The following DNAH8 variants were observed in gnomAD, a reference collection of about 807,000 sequenced individuals.
The protein encoded by DNAH8 is dynein axonemal heavy chain 8.
Under a neutral mutation model 562.1 loss-of-function variants are expected in DNAH8, and 382 were observed. The observed-to-expected ratio is 0.68, with a 90% confidence interval of 0.63 to 0.74. The LOEUF (loss-of-function observed/expected upper bound fraction) is 0.74. DNAH8 is among the 30% of genes least tolerant of loss of function. DNAH8 has a pLI of 0.00. For missense variants in DNAH8, 5,203 were observed against 5,620.4 expected, an observed-to-expected ratio of 0.93 and a Z score of 2.37; for synonymous variants, 1,881 against 1,919.4, an observed-to-expected ratio of 0.98 and a Z score of 0.52.
intron 85 of DNAH8, among the ~76,000 whole-genome samples, chr6:38,980,800 G>A (rs1371913980): frequency 6.6e-6 from 1 of 152,100 alleles, no homozygotes; most frequent in African/African-American, 2.4e-5. Flanking sequence ...CCCAGGGTCA[G>A]AACATCTAGA....
At chr6:38,942,924 A>C (rs934129753) in intron 79 of DNAH8, among the ~76,000 whole-genome samples, 18 of 152,222 alleles carry the variant, frequency 1.2e-4, no homozygotes, top group African/African-American at 3.9e-4. Flanking sequence ...GGAGACTGAG[A>C]AACACGGCAA....
At chr6:38,833,925 A>T (rs1774067640) in intron 31 of DNAH8, among the ~76,000 whole-genome samples, 1 of 152,138 alleles carries the variant, frequency 6.6e-6, no homozygotes, top group Admixed American at 6.5e-5. Context: ...TCATTTTTCC[A>T]TTGGGAGTAG....
intron 58 of DNAH8, among the ~76,000 whole-genome samples, chr6:38,892,306 G>A (rs561288723): frequency 2.0e-5 from 3 of 152,228 alleles, no homozygotes; most frequent in Admixed American, 2.0e-4. Context: ...GCTCCAGGCC[G>A]ATTGCTAACT....
At chr6:38,945,338 ATAT>A (rs747948625) in intron 79 of DNAH8, 126 bp from the exon 80 acceptor site, 6 of 985,166 alleles carry the variant, frequency 6.1e-6, no homozygotes, top group Non-Finnish European at 9.0e-6. Flanking sequence ...ATTTTCTGTA[ATAT>A]TATTATTTTC....
In DNAH8 at chr6:38,989,996, T is replaced by A. The variant is rs1202960156; in HGVS notation, c.13054-16T>A. The A allele has an allele frequency of 2.7e-6, 4 of 1,502,754 alleles. No individual in the cohort carries two copies. The highest frequency in any genetic ancestry group is 2.7e-6 in the Non-Finnish European group (3 of 1,105,056). The allele number at this position is 1,502,754 out of a possible 1,614,324, so 93.1% of individuals were successfully genotyped here. ...TGCTCATCAATTTTATTTCTTTTGT[T>A]TTCTCTCACATACAGGTCTGGTTCA... On this transcript the variant is annotated splice_polypyrimidine_tract_variant and intron_variant, in intron 87 of 92. Coordinates refer to ENST00000327475, the MANE Select transcript of DNAH8 (RefSeq NM_001206927.2).
intron 4 of DNAH8, among the ~76,000 whole-genome samples, chr6:38,730,337 C>A (rs1623375): frequency 2.6e-5 from 4 of 152,026 alleles, no homozygotes; most frequent in Admixed American, 1.3e-4. Context: ...GCAGCTACCC[C>A]CTGTGGTCCT....
intron 56 of DNAH8, among the ~76,000 whole-genome samples, chr6:38,885,961 C>G (rs1778887939): frequency 6.6e-6 from 1 of 152,140 alleles, no homozygotes; most frequent in Non-Finnish European, 1.5e-5. Context: ...GGCTGGCACA[C>G]AGTAGTCATT....
At chr6:38,990,495 T>A (rs1764707319) in intron 88 of DNAH8, among the ~76,000 whole-genome samples, 1 of 152,182 alleles carries the variant, frequency 6.6e-6, no homozygotes, top group Admixed American at 6.5e-5. Context: ...GTCTGCCAGC[T>A]CCTCATCTCT....
At chr6:38,725,066 G>A (rs1299822429) in intron 3 of DNAH8, among the ~76,000 whole-genome samples, 1 of 152,050 alleles carries the variant, frequency 6.6e-6, no homozygotes, top group African/African-American at 2.4e-5. Flanking sequence ...ACTTTGGGAA[G>A]CTGAGGCGGG....
Position 38,723,009 on chromosome 6 carries a change from C to T in DNAH8, c.200C>T (p.Ser67Phe), listed in dbSNP as rs755524955. The T allele has an allele frequency of 2.8e-5, 45 of 1,612,780 alleles. No homozygotes were observed. Among genetic ancestry groups the T allele is most frequent in the Non-Finnish European group, 3.8e-5 (45 of 1,179,894 alleles). Reference protein sequence around the residue: ...SVVDYRDLIPSEEGIVLPDDH... With the variant: ...SVVDYRDLIPFEEGIVLPDDH... ...GTGGATTATCGGGATCTCATTCCTT[C>T]TGAAGAAGGGATAGTTCTTCCAGAT... The change falls in exon 2 of 93, where the codon TCT becomes TTT. Residue 67 changes from serine (S) to phenylalanine (F), a missense_variant. Around this residue, in one of 6 missense-constraint regions of DNAH8, gnomAD observed 556 missense variants for 496.9 expected, o/e 1.12. Transcript: ENST00000327475.
intron 85 of DNAH8, among the ~76,000 whole-genome samples, chr6:38,980,488 G>T (rs538137870): frequency 3.3e-5 from 5 of 152,068 alleles, no homozygotes; most frequent in African/African-American, 4.8e-5. Flanking sequence ...CTAAGTACAG[G>T]GTGGAAGATG....
chr6:38,739,796 A>G (rs1405216567), intron 7 of DNAH8, among the ~76,000 whole-genome samples: 1 of 152,076 alleles, frequency 6.6e-6, no homozygotes, highest in Non-Finnish European at 1.5e-5. Flanking sequence ...TTTTCTTTCT[A>G]GTTTTACCCT....
At chr6:38,739,381 C>T (rs1764350078) in intron 7 of DNAH8, among the ~76,000 whole-genome samples, 1 of 152,154 alleles carries the variant, frequency 6.6e-6, no homozygotes, top group South Asian at 2.1e-4. Flanking sequence ...TAAATGCTTT[C>T]CTACTCCAGT....
At chr6:38,787,099 C>T (rs983623582) in intron 18 of DNAH8, 147 bp downstream of exon 18, 1 of 407,752 alleles carries the variant, frequency 2.5e-6, no homozygotes, top group Non-Finnish European at 4.1e-6. Context: ...AATTAAAATA[C>T]TGACTTGCAA....
chr6:39,009,456 G>A (rs1766032897), intron 89 of DNAH8, among the ~76,000 whole-genome samples: 1 of 152,062 alleles, frequency 6.6e-6, no homozygotes, highest in South Asian at 2.1e-4. Flanking sequence ...CATTGAATAG[G>A]GTAGAACAAT....
chr6:38,956,473 A>G (rs1382850393), intron 82 of DNAH8, among the ~76,000 whole-genome samples: 2 of 152,126 alleles, frequency 1.3e-5, no homozygotes, highest in Non-Finnish European at 2.9e-5. Context: ...ATCTGAACCA[A>G]TGAGGTGGGC....
chr6:38,763,191 G>T, intron 11 of DNAH8: 1 of 223,974 alleles, frequency 4.5e-6, no homozygotes, highest in South Asian at 5.5e-5. Flanking sequence ...TCATACATTT[G>T]GAAACTCAGT....
chr6:38,968,467 C>T (rs1258276647), intron 82 of DNAH8, among the ~76,000 whole-genome samples: 1 of 151,994 alleles, frequency 6.6e-6, no homozygotes, highest in Non-Finnish European at 1.5e-5. Context: ...TAAAAATGGG[C>T]AAAGGATTTG....
Position 38,848,977 on chromosome 6 carries a change from A to T in DNAH8, c.5199+176A>T, listed in dbSNP as rs542429555. Among the ~76,000 whole-genome samples the T allele has an allele frequency of 2.6e-5, 4 of 152,286 alleles. No individual in the cohort carries two copies. The East Asian group carries it at 7.7e-4, about 29-fold the overall frequency. ...GTTTTATTGGAACACAACCACATCCATTCTTTTATATATTGTCTGTGGCTG... is the reference window on the plus strand; with the variant it reads ...GTTTTATTGGAACACAACCACATCCTTTCTTTTATATATTGTCTGTGGCTG... On this transcript the variant is annotated intron_variant, in intron 37 of 92. Transcript: ENST00000327475.
Sources: gnomAD v4.1 joint callset for allele counts (sites outside exome capture counted in the v4.1 genomes callset) on GRCh38, gnomAD v4.1.1 for gene constraint, gnomAD v4.1.1 regional missense constraint, MANE v1.5 for transcripts, NCBI Gene and HGNC (gene_info 2026-07-23, HGNC 2026-07-21) for gene names.